Variants in TCEA1 observed in about 807,000 individuals in gnomAD.
TCEA1 encodes transcription elongation factor A1.
In TCEA1, 21 loss-of-function variants were observed where a neutral mutation model predicts 43.8. That is an observed-to-expected ratio of 0.48 (90% confidence interval 0.34 to 0.69). The LOEUF is 0.69. Among genes scored for constraint, TCEA1 ranks in the 30% least tolerant of loss-of-function variants. The pLI is 0.01. For missense variants in TCEA1, 250 were observed against 365.1 expected, an observed-to-expected ratio of 0.68 and a Z score of 2.57; for synonymous variants, 104 against 117.5, an observed-to-expected ratio of 0.88 and a Z score of 0.75.
At chr8:54,008,164 CTG>C (rs934503727) in intron 2 of TCEA1, among the ~76,000 whole-genome samples, 1 of 104,288 alleles carries the variant, frequency 9.6e-6, no homozygotes, top group African/African-American at 3.7e-5. Context: ...CAGAGTGAAA[CTG>C]TGTCTCAAAA....
chr8:54,017,400 AAG>A (rs1450543837), intron 1 of TCEA1, among the ~76,000 whole-genome samples: 1 of 152,232 alleles, frequency 6.6e-6, no homozygotes, highest in South Asian at 2.1e-4. Context: ...TGTGAAGACA[AAG>A]AGGATGAAGA....
At chr8:53,970,248 T>C (rs1051802502) in intron 9 of TCEA1, 144 bp downstream of exon 9, 3 of 729,896 alleles carry the variant, frequency 4.1e-6, no homozygotes, top group African/African-American at 1.7e-5. Context: ...TATATTCCAT[T>C]ACAAGTAGTC....
chr8:53,991,131 G>A (rs150207465), intron 4 of TCEA1, among the ~76,000 whole-genome samples: 4 of 152,142 alleles, frequency 2.6e-5, no homozygotes, highest in Non-Finnish European at 4.4e-5. Context: ...AGTGGCTCAC[G>A]ACAGTAATCC....
chr8:53,979,276 C>CT (rs1156847253), intron 7 of TCEA1, 105 bp from the exon 8 acceptor site: 1 of 1,226,700 alleles, frequency 8.2e-7, no homozygotes, highest in Non-Finnish European at 1.1e-6. Context: ...ACATATCAAC[C>CT]TTTAAGGTTT....
chr8:54,021,385 A>T (rs1397071379), intron 1 of TCEA1: 1 of 152,176 alleles, frequency 6.6e-6, no homozygotes, highest in Non-Finnish European at 1.5e-5. Context: ...AATACCCAAC[A>T]ATATAATTTG....
At chr8:53,974,934 T>TAA (rs1405914672) in intron 8 of TCEA1, among the ~76,000 whole-genome samples, 2 of 151,992 alleles carry the variant, frequency 1.3e-5, no homozygotes, top group Non-Finnish European at 2.9e-5. Flanking sequence ...TATATATATA[T>TAA]AATACATTAA....
rs532864093 is a variant in TCEA1, at chr8:53,999,663, A to G, written c.232+282T>C. The G allele has an allele frequency of 5.9e-5, 20 of 337,616 alleles. No individual in the cohort carries two copies. In the East Asian group the frequency reaches 8.4e-4, roughly 14 times the overall value. 20.9% of individuals were successfully genotyped at this position (337,616 alleles called of 1,614,324 possible). On this transcript the variant is annotated intron_variant, in intron 3 of 9. Coordinates refer to ENST00000521604, the MANE Select transcript of TCEA1 (RefSeq NM_006756.4). ...GTCAAAAAATTTCAAAAACCATTTC[A>G]AAAGGTATCCACAACCTTTCCTTTA...
chr8:54,003,136 C>T (rs1377410324), intron 2 of TCEA1: 1 of 451,574 alleles, frequency 2.2e-6, no homozygotes, highest in Admixed American at 2.4e-5. Flanking sequence ...TACTATAAAA[C>T]ACATATGTAA....
At chr8:54,012,554 G>A (rs1325423258) in intron 1 of TCEA1, among the ~76,000 whole-genome samples, 5 of 152,076 alleles carry the variant, frequency 3.3e-5, no homozygotes, top group South Asian at 2.1e-4. Flanking sequence ...GCGAGACTCC[G>A]TCTCAAAAAA....
chr8:54,018,087 A>G (rs1325161114), intron 1 of TCEA1, among the ~76,000 whole-genome samples: 1 of 152,196 alleles, frequency 6.6e-6, no homozygotes, highest in Non-Finnish European at 1.5e-5. Flanking sequence ...TAAATTTTGA[A>G]TTATGCTAAT....
At chr8:54,002,022 A>T (rs1442542813) in intron 2 of TCEA1, among the ~76,000 whole-genome samples, 1 of 151,782 alleles carries the variant, frequency 6.6e-6, no homozygotes, top group Non-Finnish European at 1.5e-5. Context: ...AAAACAAATT[A>T]GCTGGGCGTG....
chr8:54,019,643 C>T (rs999532672), intron 1 of TCEA1, among the ~76,000 whole-genome samples: 3 of 151,324 alleles, frequency 2.0e-5, no homozygotes, highest in African/African-American at 4.8e-5. Flanking sequence ...TGAAAACTAC[C>T]GAAAAAAAGA....
chr8:53,968,212 T>C, intron 9 of TCEA1, 100 bp from the exon 10 acceptor site: 1 of 969,200 alleles, frequency 1.0e-6, no homozygotes, highest in Non-Finnish European at 1.5e-6. Context: ...TTAAAAAAGA[T>C]GCATTTTTGA....
At chr8:54,014,536 C>T (rs556004895) in intron 1 of TCEA1, among the ~76,000 whole-genome samples, 3 of 152,322 alleles carry the variant, frequency 2.0e-5, no homozygotes, top group African/African-American at 7.2e-5. Flanking sequence ...AAAGACTCTT[C>T]TTTAATTTCC....
intron 1 of TCEA1, among the ~76,000 whole-genome samples, chr8:54,013,734 T>C (rs1295653636): frequency 6.7e-6 from 1 of 148,716 alleles, no homozygotes. Context: ...GAAATAACTA[T>C]GATGATCTGA....
chr8:53,990,673 G>T (rs148044276), intron 4 of TCEA1, among the ~76,000 whole-genome samples: 1 of 152,142 alleles, frequency 6.6e-6, no homozygotes, highest in African/African-American at 2.4e-5. Flanking sequence ...CAAAAACCCA[G>T]TTCTTAAACA....
In TCEA1 at chr8:53,984,312, C is replaced by G. The variant is rs376633292; in HGVS notation, c.678+51G>C. The stretch of plus-strand genomic sequence containing the variant: ...GTCTATGATGATAATAGGCTTTACA[C>G]TTCACAACACAGAATCACATTATAG... On this transcript the variant is annotated intron_variant, in intron 7 of 9. Transcript: ENST00000521604. 132 of 1,517,766 alleles carry G rather than the reference C, an allele frequency of 8.7e-5. No homozygotes were observed. The African/African-American group carries it at 1.7e-3, about 20-fold the overall frequency. The allele number at this position is 1,517,766 out of a possible 1,614,324, so 94.0% of individuals were successfully genotyped here.
intron 2 of TCEA1, among the ~76,000 whole-genome samples, chr8:54,004,219 G>C (rs1431986269): frequency 6.6e-6 from 1 of 152,154 alleles, no homozygotes; most frequent in Non-Finnish European, 1.5e-5. Flanking sequence ...GGAGAAAAGA[G>C]TCTGGCAGGT....
chr8:53,998,955 G>T (rs1005633956), intron 3 of TCEA1, among the ~76,000 whole-genome samples: 1 of 152,038 alleles, frequency 6.6e-6, no homozygotes, highest in Non-Finnish European at 1.5e-5. Context: ...GAGGCCAGGC[G>T]AGGTGGCTCA....
Sources: gnomAD v4.1 joint callset for allele counts (sites outside exome capture counted in the v4.1 genomes callset) on GRCh38, gnomAD v4.1.1 for gene constraint, MANE v1.5 for transcripts, NCBI Gene and HGNC (gene_info 2026-07-23, HGNC 2026-07-21) for gene names.